PKNOX2: variants seen among roughly 807,000 people sequenced by gnomAD.
PKNOX2 encodes the protein homeobox protein PKNOX2.
PKNOX2 carries 14 observed loss-of-function variants against 53.1 expected under a neutral mutation model. The ratio of observed to expected loss-of-function variants is 0.26; its 90% CI spans 0.17 to 0.41. PKNOX2 has a LOEUF of 0.41. Among genes scored for constraint, PKNOX2 ranks in the 10% least tolerant of loss-of-function variants. The pLI, the probability that PKNOX2 is intolerant of heterozygous loss-of-function variation, is 1.00. For missense variants in PKNOX2, 496 were observed against 602.8 expected (o/e 0.82, Z 1.85); for synonymous variants, 257 against 242.8 (o/e 1.06, Z -0.54).
At chr11:125,395,699 T>C (rs939796052) in intron 6 of PKNOX2, among the ~76,000 whole-genome samples, 5 of 152,236 alleles carry the variant, frequency 3.3e-5, no homozygotes, top group East Asian at 1.9e-4. Context: ...TCTTCTCTTG[T>C]GCTTATTTGC....
intron 3 of PKNOX2, among the ~76,000 whole-genome samples, chr11:125,337,397 A>G (rs1950484294): frequency 6.6e-6 from 1 of 152,222 alleles, no homozygotes; most frequent in African/African-American, 2.4e-5. Flanking sequence ...ATAAACTCCA[A>G]GTTCTCACAT....
At chr11:125,171,078 A>G (rs1178110500) in intron 1 of PKNOX2, among the ~76,000 whole-genome samples, 3 of 152,094 alleles carry the variant, frequency 2.0e-5, no homozygotes, top group African/African-American at 7.2e-5. Context: ...CCTCATTAGG[A>G]CGTAGTCTTT....
chr11:125,193,462 C>T (rs1956997644), intron 1 of PKNOX2, among the ~76,000 whole-genome samples: 1 of 152,284 alleles, frequency 6.6e-6, no homozygotes, highest in Middle Eastern at 3.4e-3. Context: ...TTAAAGCGAG[C>T]CTTCTGTCCG....
chr11:125,411,977 C>T, intron 10 of PKNOX2, 112 bp downstream of exon 10: 3 of 1,515,014 alleles, frequency 2.0e-6, no homozygotes, highest in East Asian at 2.3e-5. Context: ...AGGGCGCGGC[C>T]TCGGGGAGAG....
intron 2 of PKNOX2, among the ~76,000 whole-genome samples, chr11:125,290,690 C>T (rs187568611): frequency 6.6e-6 from 1 of 152,312 alleles, no homozygotes; most frequent in East Asian, 1.9e-4. Context: ...AGGTCCTGAG[C>T]CTTGTCCTAG....
chr11:125,224,473 G>A (rs778221425), intron 1 of PKNOX2, among the ~76,000 whole-genome samples: 18 of 152,202 alleles, frequency 1.2e-4, no homozygotes, highest in East Asian at 3.9e-4. Flanking sequence ...TGAAGCTGCC[G>A]GCCTTGCCTG....
intron 6 of PKNOX2, among the ~76,000 whole-genome samples, chr11:125,393,094 A>G (rs1330598904): frequency 1.3e-5 from 2 of 149,610 alleles, no homozygotes; most frequent in African/African-American, 4.9e-5. Context: ...CAGGAGGTGG[A>G]GCTTGCAGTG....
intron 2 of PKNOX2, among the ~76,000 whole-genome samples, chr11:125,304,244 C>T (rs1048325684): frequency 1.3e-5 from 2 of 152,256 alleles, no homozygotes; most frequent in African/African-American, 4.8e-5. Context: ...CCATCTCGCC[C>T]AGCTCTGGCC....
chr11:125,371,464 A>C (rs973645504), intron 5 of PKNOX2, among the ~76,000 whole-genome samples: 1 of 152,090 alleles, frequency 6.6e-6, no homozygotes, highest in African/African-American at 2.4e-5. Context: ...GGGGCTGCCT[A>C]AATCAGGGGA....
At chr11:125,267,515 C>T (rs1008800778) in intron 2 of PKNOX2, among the ~76,000 whole-genome samples, 27 of 152,264 alleles carry the variant, frequency 1.8e-4, no homozygotes, top group Admixed American at 5.9e-4. Context: ...GGATTCTGCT[C>T]TCCAGGCCTT....
chr11:125,281,500 T>A (rs1946556211), intron 2 of PKNOX2, among the ~76,000 whole-genome samples: 1 of 152,218 alleles, frequency 6.6e-6, no homozygotes, highest in Admixed American at 6.5e-5. Flanking sequence ...CACTTACCCG[T>A]TGATTGCCTC....
At chr11:125,249,355 G>A (rs1186911545) in intron 2 of PKNOX2, among the ~76,000 whole-genome samples, 1 of 152,098 alleles carries the variant, frequency 6.6e-6, no homozygotes, top group Admixed American at 6.6e-5. Context: ...GAACCATGGT[G>A]CAGCAAATAA....
chr11:125,329,304 A>G lies in PKNOX2; in HGVS notation c.-129-2515A>G, dbSNP rs141429432. ...TTACTCCAAATATTAACTGTAGCTT[A>G]TATTTGTATTGTAGGATTGCTACTA... is the stretch of plus-strand genomic sequence containing the variant. On this transcript the variant is annotated intron_variant, in intron 2 of 12. Coordinates refer to ENST00000298282, the MANE Select transcript of PKNOX2 (RefSeq NM_001382323.2). 1.1e-3 allele frequency among the ~76,000 whole-genome samples: 161 copies of G among 152,350 alleles called. No individual in the cohort carries two copies. In the Middle Eastern group the frequency reaches 0.014, roughly 13 times the overall value.
chr11:125,242,664 G>A (rs77835860), intron 2 of PKNOX2, among the ~76,000 whole-genome samples: 1 of 152,116 alleles, frequency 6.6e-6, no homozygotes, highest in African/African-American at 2.4e-5. Context: ...GGGCAGGGAT[G>A]GGGGGAGGGC....
At chr11:125,199,568 G>A (rs1349783224) in intron 1 of PKNOX2, among the ~76,000 whole-genome samples, 4 of 152,206 alleles carry the variant, frequency 2.6e-5, no homozygotes, top group Admixed American at 2.6e-4. Context: ...GGTTGGCCAG[G>A]TGCTGTGGCT....
intron 2 of PKNOX2, among the ~76,000 whole-genome samples, chr11:125,292,967 G>T (rs11605040): frequency 0.19 from 28,517 of 152,040 alleles, 3,037 homozygotes; most frequent in African/African-American, 0.27. Flanking sequence ...AGCGTCGCAG[G>T]CAGCCTGGAC....
At chr11:125,398,146 T>G in intron 7 of PKNOX2, 84 bp downstream of exon 7, 1 of 1,392,344 alleles carries the variant, frequency 7.2e-7, no homozygotes, top group Non-Finnish European at 9.8e-7. Context: ...GGTCCCCTGG[T>G]GACCTTCACT....
chr11:125,195,218 T>G (rs1957109035), intron 1 of PKNOX2, among the ~76,000 whole-genome samples: 1 of 152,204 alleles, frequency 6.6e-6, no homozygotes, highest in African/African-American at 2.4e-5. Flanking sequence ...TAAACACTGA[T>G]TCTCAGCCTA....
intron 2 of PKNOX2, among the ~76,000 whole-genome samples, chr11:125,277,879 G>T (rs908394124): frequency 6.6e-6 from 1 of 152,032 alleles, no homozygotes; most frequent in African/African-American, 2.4e-5. Flanking sequence ...AATCTTACAT[G>T]TACCCCCCAA....
Sources: allele counts gnomAD v4.1 joint callset (sites outside exome capture counted in the v4.1 genomes callset), GRCh38; gene constraint gnomAD v4.1.1; transcripts MANE v1.5; gene names NCBI Gene and HGNC (gene_info 2026-07-23, HGNC 2026-07-21).